The following NECTIN3 variants were observed in gnomAD, a reference collection of about 807,000 sequenced individuals.
NECTIN3 encodes nectin-3.
In NECTIN3, 8 loss-of-function variants were observed where a neutral mutation model predicts 49.4. That is an observed-to-expected ratio of 0.16 (90% CI 0.10 to 0.29). The LOEUF (loss-of-function observed/expected upper bound fraction) is 0.29, where lower values mean the gene tolerates loss of function less well. Ranked by LOEUF, NECTIN3 falls within the 10% of genes least tolerant of loss-of-function variation. The pLI is 1.00. For synonymous variants in NECTIN3, 277 were observed against 241.1 expected (o/e 1.15, Z -1.38); for missense variants, 581 against 654.6 (o/e 0.89, Z 1.23).
intron 7 of NECTIN3, among the ~76,000 whole-genome samples, chr3:111,148,197 C>A (rs1375237524): frequency 6.6e-6 from 1 of 152,204 alleles, no homozygotes; most frequent in Non-Finnish European, 1.5e-5. Context: ...TGTCCTGTAT[C>A]TTCAGCCTGA....
Position 111,136,216 on chromosome 3 carries a change from A to G in NECTIN3, c.*2001A>G, listed in dbSNP as rs2034570057. Reference sequence around the variant, plus strand: ...GTATGGATCTGAACAGAATAATCACATTTAGGATTCTATATAAATCTCAAC... The same window carrying G: ...GTATGGATCTGAACAGAATAATCACGTTTAGGATTCTATATAAATCTCAAC... On this transcript the variant is annotated 3_prime_UTR_variant, in exon 6 of 6. Transcript: ENST00000485303. 1 of 963,960 alleles carries G rather than the reference A, an allele frequency of 1.0e-6. No individual in the cohort carries two copies. Among genetic ancestry groups the G allele is most frequent in the Non-Finnish European group, 1.2e-6 (1 of 810,634 alleles). 59.7% of individuals were successfully genotyped at this position (963,960 alleles called of 1,614,324 possible).
Position 111,134,192 on chromosome 3 carries a change from T to G in NECTIN3, c.1627T>G (p.Ser543Ala), listed in dbSNP as rs745518995. The G allele has an allele frequency of 6.2e-7, 1 of 1,605,412 alleles. No individual in the cohort carries two copies. The highest frequency in any genetic ancestry group is 8.5e-7 in the Non-Finnish European group (1 of 1,176,372). ...LVSHVDGSVI[S>A]RREWYV ...TTCACATGTAGATGGTTCCGTAATT[T>G]CCAGGAGGGAGTGGTATGTTTAGCA... Residue 543 changes from serine to alanine, a missense_variant, in exon 6 of 6, where the codon TCC becomes GCC. This residue lies in a region of NECTIN3 where 238 missense variants were observed against 244.9 expected (regional missense o/e 0.97). Coordinates refer to ENST00000485303, the MANE Select transcript of NECTIN3 (RefSeq NM_015480.3).
intron 3 of NECTIN3, among the ~76,000 whole-genome samples, chr3:111,121,305 G>A (rs550351586): frequency 6.6e-5 from 10 of 151,970 alleles, no homozygotes; most frequent in East Asian, 1.9e-4. Flanking sequence ...GAGCCCCCGC[G>A]CTGGGCCAAA....
intron 7 of NECTIN3, among the ~76,000 whole-genome samples, chr3:111,165,237 G>A (rs553868118): frequency 6.6e-6 from 1 of 152,052 alleles, no homozygotes; most frequent in African/African-American, 2.4e-5. Flanking sequence ...TAGATACAGG[G>A]TTTCACTGTG....
intron 5 of NECTIN3, among the ~76,000 whole-genome samples, chr3:111,130,225 G>A (rs868054838): frequency 1.7e-4 from 26 of 151,712 alleles, no homozygotes; most frequent in African/African-American, 6.0e-4. Context: ...CAGAGTGCTG[G>A]GATTACAGGC....
intron 6 of NECTIN3, among the ~76,000 whole-genome samples, chr3:111,146,742 CTATATT>C (rs1444824432): frequency 3.9e-5 from 6 of 152,044 alleles, no homozygotes; most frequent in Non-Finnish European, 8.8e-5. Flanking sequence ...AAGCATGAGA[CTATATT>C]TATAAAATTT....
rs547281497 is a variant in NECTIN3 at position 111,169,683 on chromosome 3, C to T, written c.1221+22199C>T. Among the ~76,000 whole-genome samples, 341 of 152,192 alleles carry T rather than the reference C, an allele frequency of 2.2e-3. 1 individual carries two copies. Among genetic ancestry groups the T allele is most frequent in the Non-Finnish European group, 4.2e-3 (285 of 67,992 alleles). On this transcript the variant is annotated intron_variant, in intron 7 of 8. Coordinates refer to the NECTIN3 transcript ENST00000493615. ...GCGGCAAGTACATTCTATTTATCTC[C>T]TAACTAACTCCTGGAAAGATGCCTA...
intron 1 of NECTIN3, 95 bp downstream of exon 1, chr3:111,072,272 G>A (rs1288694200): frequency 2.1e-6 from 3 of 1,458,280 alleles, no homozygotes; most frequent in African/African-American, 2.9e-5. Context: ...CTGGAGCAGC[G>A]AGGCGGTTGG....
intron 1 of NECTIN3, among the ~76,000 whole-genome samples, chr3:111,082,825 G>GC (rs2031699538): frequency 6.6e-6 from 1 of 152,176 alleles, no homozygotes; most frequent in Non-Finnish European, 1.5e-5. Context: ...TGGGAGCCCA[G>GC]AGCTTGTTTT....
At chr3:111,159,415 C>T (rs1266490607) in intron 7 of NECTIN3, among the ~76,000 whole-genome samples, 1 of 152,126 alleles carries the variant, frequency 6.6e-6, no homozygotes, top group East Asian at 1.9e-4. Flanking sequence ...TAATCCTATC[C>T]TTAATGGTAA....
intron 1 of NECTIN3, among the ~76,000 whole-genome samples, chr3:111,091,509 C>G (rs2032270823): frequency 1.3e-5 from 2 of 152,288 alleles, no homozygotes; most frequent in South Asian, 4.1e-4. Context: ...GCCTCGGCCT[C>G]CAGAGTGTTG....
At chr3:111,093,726 G>A (rs774507467) in intron 1 of NECTIN3, among the ~76,000 whole-genome samples, 9 of 152,086 alleles carry the variant, frequency 5.9e-5, no homozygotes, top group Admixed American at 2.0e-4. Context: ...ATGAGCCACC[G>A]TGCCTGGCTT....
intron 1 of NECTIN3, among the ~76,000 whole-genome samples, chr3:111,085,475 G>C (rs1270691090): frequency 1.3e-5 from 2 of 152,160 alleles, no homozygotes; most frequent in Admixed American, 6.5e-5. Context: ...GCGGTTGGAT[G>C]AACTGTTAAA....
chr3:111,113,010 A>C (rs2033538408), intron 2 of NECTIN3, among the ~76,000 whole-genome samples: 1 of 152,200 alleles, frequency 6.6e-6, no homozygotes, highest in Non-Finnish European at 1.5e-5. Context: ...ATTGAGGAGC[A>C]ATAGCAACTG....
At chr3:111,144,612 T>C (rs574065224) in intron 5 of NECTIN3, among the ~76,000 whole-genome samples, 2 of 152,212 alleles carry the variant, frequency 1.3e-5, no homozygotes, top group East Asian at 3.9e-4. Context: ...TTTCTCTCTC[T>C]TCTTCTCCAG....
chr3:111,192,433 G>C (rs1314649190), intron 1 of NECTIN3: 1 of 1,525,916 alleles, frequency 6.6e-7, no homozygotes, highest in Admixed American at 2.0e-5. Context: ...TGTGTTGTCG[G>C]TATCAGCCCA....
chr3:111,093,581 C>T (rs2032402812), intron 1 of NECTIN3, among the ~76,000 whole-genome samples: 1 of 151,832 alleles, frequency 6.6e-6, no homozygotes, highest in Admixed American at 6.6e-5. Context: ...ATTACAGGCA[C>T]GTGCCACCAC....
upstream of NECTIN3, among the ~76,000 whole-genome samples, chr3:111,191,592 G>GT (rs1198828634): frequency 6.6e-6 from 1 of 151,946 alleles, no homozygotes; most frequent in African/African-American, 2.4e-5. Flanking sequence ...TGTAATCTGT[G>GT]TGGGGGGAGG....
rs1035277645 is a variant in NECTIN3 at position 111,135,508 on chromosome 3, A to G, written c.*1293A>G. On this transcript the variant is annotated 3_prime_UTR_variant, in exon 6 of 6. Transcript: ENST00000485303. ...TTTGTGAGGTAATTAAATTGCTTCTACAGTGGAGGCTTACAAAATTATTGT... is the reference window on the plus strand; with the variant it reads ...TTTGTGAGGTAATTAAATTGCTTCTGCAGTGGAGGCTTACAAAATTATTGT... The G allele has an allele frequency of 6.1e-6, 6 of 979,992 alleles. No homozygotes were observed. Among genetic ancestry groups the G allele is most frequent in the Non-Finnish European group, 7.3e-6 (6 of 825,184 alleles). The allele number at this position is 979,992 out of a possible 1,614,324, so 60.7% of individuals were successfully genotyped here. A position where few individuals can be genotyped will look rare whatever the true frequency, so the allele number is the denominator to read the frequency against.
Sources: allele counts gnomAD v4.1 joint callset (sites outside exome capture counted in the v4.1 genomes callset), GRCh38; gene constraint gnomAD v4.1.1; regional missense constraint gnomAD v4.1.1; transcripts MANE v1.5; gene names NCBI Gene and HGNC (gene_info 2026-07-23, HGNC 2026-07-21).